The following FGF7 variants were observed in gnomAD, a reference collection of about 807,000 sequenced individuals.
The protein encoded by FGF7 is FGF-7.
A neutral mutation model predicts 20.5 loss-of-function variants in FGF7; 6 were observed. That is an observed-to-expected ratio of 0.29 (90% CI 0.16 to 0.58). FGF7 has a LOEUF of 0.58. FGF7 is among the 20% of genes least tolerant of loss of function. The pLI, the probability that FGF7 is intolerant of heterozygous loss-of-function variation, is 0.90. For synonymous variants in FGF7, 64 were observed against 74.7 expected (o/e 0.86, Z 0.74); for missense variants, 144 against 228.8 (o/e 0.63, Z 2.39).
intron 2 of FGF7, among the ~76,000 whole-genome samples, chr15:49,454,526 C>T (rs1001702501): frequency 3.9e-5 from 6 of 152,286 alleles, no homozygotes; most frequent in Middle Eastern, 6.8e-3. Flanking sequence ...ACATTGGTTC[C>T]ACTTAACTTA....
intron 2 of FGF7, among the ~76,000 whole-genome samples, chr15:49,465,432 G>A (rs1460481754): frequency 6.6e-6 from 1 of 151,682 alleles, no homozygotes; most frequent in East Asian, 1.9e-4. Context: ...CACCATGCCC[G>A]GCCTACTTCT....
intron 2 of FGF7, among the ~76,000 whole-genome samples, chr15:49,450,233 A>G (rs947721443): frequency 6.6e-6 from 1 of 152,100 alleles, no homozygotes; most frequent in African/African-American, 2.4e-5. Context: ...TAACAATTGA[A>G]CAACTGATGA....
chr15:49,442,420 G>A (rs1161877099), intron 2 of FGF7, among the ~76,000 whole-genome samples: 23 of 151,644 alleles, frequency 1.5e-4, no homozygotes, highest in African/African-American at 2.4e-5. Context: ...TGTGAGAACT[G>A]TAAAACAGTA....
At chr15:49,430,976 AG>A (rs1328628770) in intron 2 of FGF7, among the ~76,000 whole-genome samples, 1 of 149,636 alleles carries the variant, frequency 6.7e-6, no homozygotes, top group African/African-American at 2.5e-5. Context: ...ATTAGGGCAA[AG>A]CTTTTTTTAT....
chr15:49,429,251 T>C (rs1391987990), intron 2 of FGF7, among the ~76,000 whole-genome samples: 1 of 152,026 alleles, frequency 6.6e-6, no homozygotes, highest in Non-Finnish European at 1.5e-5. Context: ...CTTGTAGAAC[T>C]GGTGACCCGC....
intron 2 of FGF7, among the ~76,000 whole-genome samples, chr15:49,471,181 CATT>C (rs2151965359): frequency 6.6e-6 from 1 of 152,188 alleles, no homozygotes; most frequent in East Asian, 1.9e-4. Context: ...TCCAAACCAT[CATT>C]AAGAATATGG....
chr15:49,476,280 T>C (rs1175567359), intron 2 of FGF7, among the ~76,000 whole-genome samples: 3 of 150,646 alleles, frequency 2.0e-5, no homozygotes, highest in Non-Finnish European at 4.4e-5. Flanking sequence ...TCACTTATTT[T>C]ATTTTTTCTG....
At chr15:49,462,066 C>A (rs1298343017) in intron 2 of FGF7, among the ~76,000 whole-genome samples, 1 of 151,964 alleles carries the variant, frequency 6.6e-6, no homozygotes, top group Admixed American at 6.6e-5. Context: ...TTGCAGTGAG[C>A]TGAGATCGTG....
At chr15:49,451,733 TG>T (rs1253418300) in intron 2 of FGF7, among the ~76,000 whole-genome samples, 1 of 152,140 alleles carries the variant, frequency 6.6e-6, no homozygotes, top group African/African-American at 2.4e-5. Flanking sequence ...AAGCCTTTAT[TG>T]GGGATTAATA....
At chr15:49,478,609 C>G (rs12593151) in intron 2 of FGF7, among the ~76,000 whole-genome samples, 1 of 151,844 alleles carries the variant, frequency 6.6e-6, no homozygotes, top group Non-Finnish European at 1.5e-5. Flanking sequence ...TATATTTGAT[C>G]AAGGACAAGA....
intron 3 of FGF7, 55 bp downstream of exon 3, chr15:49,483,309 A>G: frequency 1.2e-6 from 1 of 865,456 alleles, no homozygotes; most frequent in African/African-American, 1.7e-5. Context: ...TTGTCAAAAT[A>G]TCTCACCTTT....
chr15:49,478,549 G>GC lies in FGF7; in HGVS notation c.287-4602_287-4601insC, dbSNP rs2151998831. 2.0e-5 allele frequency among the ~76,000 whole-genome samples: 3 copies of GC among 152,114 alleles called. 1 individual carries two copies. In the South Asian group the frequency reaches 6.2e-4, roughly 32 times the overall value. ...TCATAAAATGTATTTAAATTTAAAT[G>GC]TTTTTTTCTTTGTTGATACTAGTTC... On this transcript the variant is annotated intron_variant, in intron 2 of 3. Transcript: ENST00000267843.
At chr15:49,461,507 GCT>G (rs1353067140) in intron 2 of FGF7, among the ~76,000 whole-genome samples, 1 of 152,110 alleles carries the variant, frequency 6.6e-6, no homozygotes, top group African/African-American at 2.4e-5. Flanking sequence ...CATATTTCAT[GCT>G]CTATACTTCT....
chr15:49,451,963 A>C (rs1474016689), intron 2 of FGF7, among the ~76,000 whole-genome samples: 1 of 152,140 alleles, frequency 6.6e-6, no homozygotes, highest in East Asian at 1.9e-4. Flanking sequence ...TAGTGAAAAA[A>C]TGCTATTTGA....
chr15:49,441,156 G>A (rs1195684315), intron 2 of FGF7, among the ~76,000 whole-genome samples: 4 of 151,656 alleles, frequency 2.6e-5, no homozygotes, highest in Non-Finnish European at 4.4e-5. Context: ...ACCTTAAAAG[G>A]AGAAGAGAAT....
intron 2 of FGF7, among the ~76,000 whole-genome samples, chr15:49,456,496 A>C (rs1017837993): frequency 6.6e-6 from 1 of 152,146 alleles, no homozygotes; most frequent in African/African-American, 2.4e-5. Flanking sequence ...CCATTTATTC[A>C]ATAAATTCAG....
At chr15:49,445,410 T>C (rs991371436) in intron 2 of FGF7, among the ~76,000 whole-genome samples, 2 of 151,642 alleles carry the variant, frequency 1.3e-5, no homozygotes, top group African/African-American at 4.8e-5. Context: ...ATTTTTATCA[T>C]GCTAAATTTT....
chr15:49,434,390 G>A lies in FGF7; in HGVS notation c.286+9807G>A, dbSNP rs1382056374. On this transcript the variant is annotated intron_variant, in intron 2 of 3. Coordinates refer to ENST00000267843, the MANE Select transcript of FGF7 (RefSeq NM_002009.4). ...AGTCCATGCTTTTACAGAATTAACA[G>A]TTGGGAGTCAAGGGAGAACTCCAAG... 2.0e-5 allele frequency: 3 copies of A among 151,450 alleles called. No homozygotes were observed. The East Asian group carries it at 5.8e-4, about 29-fold the overall frequency. 9.4% of individuals were successfully genotyped at this position (151,450 alleles called of 1,614,324 possible).
intron 2 of FGF7, among the ~76,000 whole-genome samples, chr15:49,447,526 A>G (rs970361174): frequency 6.6e-6 from 1 of 151,706 alleles, no homozygotes; most frequent in Admixed American, 6.6e-5. Flanking sequence ...TTTAATTACT[A>G]AGTCTTGGTA....
Sources: allele counts gnomAD v4.1 joint callset (sites outside exome capture counted in the v4.1 genomes callset), GRCh38; gene constraint gnomAD v4.1.1; transcripts MANE v1.5; gene names NCBI Gene and HGNC (gene_info 2026-07-23, HGNC 2026-07-21).